FREM1: variants seen among roughly 807,000 people sequenced by gnomAD.
FREM1 encodes FRAS1 related extracellular matrix 1, also known as FRAS1-related extracellular matrix protein 1.
Under a neutral mutation model 210.1 loss-of-function variants are expected in FREM1, and 220 were observed. The observed-to-expected ratio is 1.05, with a 90% CI of 0.94 to 1.17. The LOEUF is 1.17. Ranked by LOEUF, FREM1 falls within the 50% of genes most tolerant of loss-of-function variation. The probability of loss-of-function intolerance (pLI) is 0.00; values close to 1 mark genes in which losing one functional copy is unlikely to be tolerated. For missense variants in FREM1, 3,454 were observed against 2,675.5 expected, an observed-to-expected ratio of 1.29 and a Z score of -6.42; for synonymous variants, 1,189 against 980.2, an observed-to-expected ratio of 1.21 and a Z score of -3.98.
chr9:14,750,180 G>T lies in FREM1; in HGVS notation c.5504C>A (p.Ala1835Glu). Residue 1835 changes from alanine (A) to glutamate (E), a missense_variant, in exon 30 of 37, where the codon GCA becomes GAA. Transcript: ENST00000380880. ...AGCTTTTGTCTTTGTGCCAAGAACT[G>T]CATTCACAGGGGAGTTCAGAATTAC... Reference protein sequence around the residue: ...FEVILNSPVNAVLGTKTKAAV... With the variant: ...FEVILNSPVNEVLGTKTKAAV... 1 of 1,613,674 alleles carries T rather than the reference G, an allele frequency of 6.2e-7. No individual in the cohort carries two copies. The highest frequency in any genetic ancestry group is 8.5e-7 in the Non-Finnish European group (1 of 1,179,700).
At chr9:14,814,146 G>T (rs1184345584) in intron 15 of FREM1, among the ~76,000 whole-genome samples, 1 of 152,116 alleles carries the variant, frequency 6.6e-6, no homozygotes, top group Non-Finnish European at 1.5e-5. Flanking sequence ...AGGTTACATG[G>T]GGATTCCTCA....
rs774758614 is a variant in FREM1 at position 14,747,015 on chromosome 9, C to A, written c.6046G>T (p.Glu2016Ter). 1.9e-6 allele frequency: 3 copies of A among 1,613,112 alleles called. No homozygotes were observed. In the South Asian group the frequency reaches 3.3e-5, roughly 18 times the overall value. ...LPSFPKNCTL[E>*]LKGLFHFEEG... is the part of the protein sequence containing the mutation. ...TCAAAATGGAAGAGTCCCTTTAATT[C>A]CAGAGTGCAGTTCTTTGGAAATGAG... is the stretch of plus-strand genomic sequence containing the variant. Residue 2016 changes from glutamate to a stop codon, truncating the protein, a stop_gained, in exon 34 of 37, where the codon GAA (glutamate) becomes TAA (stop). Transcript: ENST00000380880. LOFTEE classifies it high-confidence loss of function.
chr9:14,739,640 G>A (rs970318866), intron 36 of FREM1, among the ~76,000 whole-genome samples: 1 of 150,280 alleles, frequency 6.7e-6, no homozygotes, highest in Admixed American at 6.7e-5. Context: ...TTATATGGAT[G>A]TGGACCCTGC....
At position 14,822,785 on chromosome 9, in the gene FREM1, G is replaced by A. The variant is rs182523189; in HGVS notation, c.2337+375C>T. ...TTAAAGAGCTTCTTTAGATTACAGA[G>A]CAGCATAGTTGGGCTGCAGTGAGGG... is the stretch of plus-strand genomic sequence containing the variant. On this transcript the variant is annotated intron_variant, in intron 13 of 36. Transcript: ENST00000380880. Among the ~76,000 whole-genome samples, 11 of 152,286 alleles carry A rather than the reference G, an allele frequency of 7.2e-5. No individual in the cohort carries two copies. The East Asian group carries it at 1.9e-3, about 27-fold the overall frequency.
At chr9:14,788,898 C>G in intron 23 of FREM1, 21 bp downstream of exon 23, 1 of 1,596,974 alleles carries the variant, frequency 6.3e-7, no homozygotes, top group Non-Finnish European at 8.5e-7. Flanking sequence ...TCCCAGTAAA[C>G]CTTGGTAGAC....
At position 14,775,916 on chromosome 9, in the gene FREM1, A is replaced by G. The variant is rs748026276; in HGVS notation, c.4730T>C (p.Val1577Ala). ...FTQQDVDSKN[V>A]AYRHSGGDSQ... ...GTCCCCTCCTGAGTGCCGATAGGCC[A>G]CATTCTTGCTGTCCACATCCTGCTG... The change falls in exon 25 of 37, where the codon GTG becomes GCG. Residue 1577 changes from valine (V) to alanine (A), a missense_variant. Coordinates refer to ENST00000380880, the MANE Select transcript of FREM1 (RefSeq NM_001379081.2). 5.1e-5 allele frequency: 83 copies of G among 1,613,886 alleles called. No individual in the cohort carries two copies. The highest frequency in any genetic ancestry group is 6.9e-5 in the Non-Finnish European group (82 of 1,179,888).
intron 35 of FREM1, among the ~76,000 whole-genome samples, chr9:14,745,181 G>C (rs1842198828): frequency 6.6e-6 from 1 of 152,232 alleles, no homozygotes; most frequent in South Asian, 2.1e-4. Context: ...TTAATACCTG[G>C]ATGTTGAAAT....
intron 7 of FREM1, among the ~76,000 whole-genome samples, chr9:14,847,723 A>G (rs1252541930): frequency 6.6e-6 from 1 of 152,204 alleles, no homozygotes; most frequent in Non-Finnish European, 1.5e-5. Flanking sequence ...AGGGATTCTG[A>G]TGTTCAAAGC....
chr9:14,860,922 TATATACAC>T (rs1177392392), intron 3 of FREM1, among the ~76,000 whole-genome samples: 3 of 110,990 alleles, frequency 2.7e-5, no homozygotes, highest in Admixed American at 1.0e-4. Context: ...CATATACACA[TATATACAC>T]ATATACACAC....
chr9:14,846,704 A>C (rs577520992), intron 7 of FREM1, among the ~76,000 whole-genome samples: 3 of 152,298 alleles, frequency 2.0e-5, no homozygotes, highest in Non-Finnish European at 4.4e-5. Context: ...AGTACTATTA[A>C]CTCCAATATT....
rs1475620353 is a variant in FREM1 at position 14,747,270 on chromosome 9, G to A, written c.6003C>T (p.Pro2001=). 5 of 1,611,988 alleles carry A rather than the reference G, an allele frequency of 3.1e-6. No individual in the cohort carries two copies. Among genetic ancestry groups the A allele is most frequent in the Non-Finnish European group, 4.2e-6 (5 of 1,179,004 alleles). ...KVESTTDSHF[P]RQDQLPSFPK... is the part of the protein sequence containing the mutation. ...GGAACAAAGATTTTCATACCTGTCT[G>A]GGGAAGTGTGAGTCAGTTGTGGATT... is the stretch of plus-strand genomic sequence containing the variant. Residue 2001 remains proline, a synonymous_variant, in exon 33 of 37, where the codon CCC becomes CCT. Transcript: ENST00000380880.
chr9:14,898,807 T>C (rs116180291), intron 1 of FREM1, among the ~76,000 whole-genome samples: 2,136 of 152,252 alleles, frequency 0.014, 19 homozygotes, highest in African/African-American at 0.022. Flanking sequence ...ATATATGCTT[T>C]AGATAATAAT....
intron 1 of FREM1, among the ~76,000 whole-genome samples, chr9:14,884,248 A>C (rs553816144): frequency 6.6e-6 from 1 of 152,182 alleles, no homozygotes; most frequent in Non-Finnish European, 1.5e-5. Flanking sequence ...AAAAGAAAAA[A>C]AGAAAAAAAA....
Position 14,869,122 on chromosome 9 carries a change from C to A in FREM1, c.-145G>T, listed in dbSNP as rs1241228915. 9 of 565,626 alleles carry A rather than the reference C, an allele frequency of 1.6e-5. No homozygotes were observed. The highest frequency in any genetic ancestry group is 2.5e-5 in the Non-Finnish European group (8 of 323,046). 35.0% of individuals were successfully genotyped at this position (565,626 alleles called of 1,614,324 possible). On this transcript the variant is annotated 5_prime_UTR_variant, in exon 2 of 37. Transcript: ENST00000380880. ...AATGTGCCCCGAGATCTTAACATGC[C>A]CCTTTCATTTCAAAGTCAGACAAGG...
intron 1 of FREM1, among the ~76,000 whole-genome samples, chr9:14,884,256 A>C (rs1215877486): frequency 2.0e-5 from 3 of 152,160 alleles, no homozygotes; most frequent in Non-Finnish European, 4.4e-5. Context: ...AAAAGAAAAA[A>C]AACAAGAAAC....
At chr9:14,747,211 C>T in intron 33 of FREM1, 53 bp downstream of exon 33, 1 of 1,585,916 alleles carries the variant, frequency 6.3e-7, no homozygotes, top group South Asian at 1.1e-5. Context: ...GTGTTTCTGG[C>T]CCAGCAAACA....
chr9:14,753,475 A>T (rs573724133), intron 29 of FREM1, among the ~76,000 whole-genome samples: 37 of 152,306 alleles, frequency 2.4e-4, no homozygotes, highest in African/African-American at 8.2e-4. Context: ...CAATAGCTGA[A>T]TGCAAAGTAG....
intron 20 of FREM1, 81 bp downstream of exon 20, chr9:14,801,571 C>T: frequency 2.1e-6 from 2 of 964,382 alleles, no homozygotes; most frequent in Non-Finnish European, 1.6e-6. Context: ...ATTAGTTTGA[C>T]CTTTTTAGAT....
At chr9:14,833,699 C>T (rs1285930662) in intron 10 of FREM1, among the ~76,000 whole-genome samples, 1 of 152,204 alleles carries the variant, frequency 6.6e-6, no homozygotes, top group African/African-American at 2.4e-5. Context: ...AAAGAGTGCT[C>T]AGCTTAATTA....
Sources: allele counts gnomAD v4.1 joint callset (sites outside exome capture counted in the v4.1 genomes callset), GRCh38; gene constraint gnomAD v4.1.1; transcripts MANE v1.5; gene names NCBI Gene and HGNC (gene_info 2026-07-23, HGNC 2026-07-21).